The following MROH2B variants were observed in gnomAD, a reference collection of about 807,000 sequenced individuals.
MROH2B encodes maestro heat-like repeat-containing protein family member 2B.
In MROH2B, 177 loss-of-function variants were observed where a neutral mutation model predicts 208.6. That is an observed-to-expected ratio of 0.85 (90% CI 0.75 to 0.96). The LOEUF is 0.96. MROH2B is among the 40% of genes least tolerant of loss of function. The pLI is 0.00. For synonymous variants in MROH2B, 728 were observed against 659.0 expected (o/e 1.10, Z -1.60); for missense variants, 2,002 against 1,878.7 (o/e 1.07, Z -1.21).
intron 21 of MROH2B, among the ~76,000 whole-genome samples, chr5:41,037,438 C>T (rs1287185315): frequency 2.0e-5 from 3 of 152,170 alleles, no homozygotes; most frequent in African/African-American, 7.2e-5. Context: ...AGTGATTCAA[C>T]TCTGAAGGCT....
chr5:41,066,663 T>C (rs1001568624), intron 3 of MROH2B, among the ~76,000 whole-genome samples: 4 of 152,240 alleles, frequency 2.6e-5, no homozygotes, highest in African/African-American at 9.6e-5. Flanking sequence ...GTAATACTTC[T>C]TTCTGGAAGA....
rs1300146880 is a variant in MROH2B, at chr5:41,018,358, G to C, written c.2746C>G (p.Leu916Val). 1 of 1,612,802 alleles carries C rather than the reference G, an allele frequency of 6.2e-7. No individual in the cohort carries two copies. The highest frequency in any genetic ancestry group is 8.5e-7 in the Non-Finnish European group (1 of 1,179,512). ...ERAFQITAKV[L>V]TNDIEAPENF... ...TTACTTACCTCAATATCATTTGTCA[G>C]CACTTTCGCAGTGATCTGGAAGGCT... The change falls in exon 27 of 42, where the codon CTG (leucine) becomes GTG (valine). Residue 916 changes from leucine to valine, a missense_variant. Leu to Val is a conservative substitution (Grantham distance 32). Coordinates refer to ENST00000399564, the MANE Select transcript of MROH2B (RefSeq NM_173489.5).
intron 5 of MROH2B, among the ~76,000 whole-genome samples, chr5:41,063,667 G>T (rs1274793454): frequency 6.6e-6 from 1 of 152,200 alleles, no homozygotes; most frequent in Non-Finnish European, 1.5e-5. Context: ...GTAGTGTTAG[G>T]TTATGTTGGA....
intron 2 of MROH2B, among the ~76,000 whole-genome samples, chr5:41,068,679 G>T (rs1743884956): frequency 6.6e-6 from 1 of 151,874 alleles, no homozygotes; most frequent in South Asian, 2.1e-4. Flanking sequence ...CCCTTTACTG[G>T]AAATTCTCCT....
chr5:41,047,636 A>G, intron 17 of MROH2B, 85 bp downstream of exon 17: 1 of 1,193,568 alleles, frequency 8.4e-7, no homozygotes, highest in Non-Finnish European at 1.2e-6. Flanking sequence ...TATCCTCAGG[A>G]ATCTAGTTCC....
intron 21 of MROH2B, chr5:41,034,146 A>C: frequency 1.2e-6 from 1 of 843,188 alleles, no homozygotes; most frequent in Non-Finnish European, 1.4e-6. Context: ...CTTCACAATC[A>C]TTTTAAAGAG....
At position 41,057,455 on chromosome 5, in the gene MROH2B, A is replaced by G. The variant is rs190029855; in HGVS notation, c.757-95T>C. ...AATAATTGTGTTTTGAGAGAAAAAC[A>G]AGCTTCTCATCTTCCTGCAGTTACA... On this transcript the variant is annotated intron_variant, in intron 7 of 41. Coordinates refer to ENST00000399564, the MANE Select transcript of MROH2B (RefSeq NM_173489.5). 3.0e-5 allele frequency: 29 copies of G among 964,954 alleles called. No homozygotes were observed. In the African/African-American group the frequency reaches 4.5e-4, roughly 15 times the overall value. 59.8% of individuals were successfully genotyped at this position (964,954 alleles called of 1,614,324 possible).
chr5:41,018,306 G>C, intron 27 of MROH2B, 35 bp downstream of exon 27: 1 of 1,576,466 alleles, frequency 6.3e-7, no homozygotes. Context: ...CTGTTCACAA[G>C]CAATAAAGTC....
chr5:41,033,025 C>G lies in MROH2B; in HGVS notation c.2361+16G>C. The G allele has an allele frequency of 6.2e-7, 1 of 1,612,562 alleles. No homozygotes were observed. Among genetic ancestry groups the G allele is most frequent in the South Asian group, 1.1e-5 (1 of 91,008 alleles). On this transcript the variant is annotated intron_variant, in intron 23 of 41. Transcript: ENST00000399564. ...GAATACTCAGGGCCTTTCTTATTCCCTCTCTGCACACTCACCAGCATGTAA... is the reference window on the plus strand; with the variant it reads ...GAATACTCAGGGCCTTTCTTATTCCGTCTCTGCACACTCACCAGCATGTAA...
chr5:41,055,677 T>G (rs1344664883), intron 10 of MROH2B, 65 bp downstream of exon 10: 1 of 1,161,298 alleles, frequency 8.6e-7, no homozygotes, highest in Non-Finnish European at 1.3e-6. Flanking sequence ...GATTAGAGAG[T>G]GCATAGGCTT....
At position 41,049,422 on chromosome 5, in the gene MROH2B, C is replaced by A. The variant is rs1743220632; in HGVS notation, c.1359G>T (p.Arg453Ser). The A allele has an allele frequency of 1.2e-6, 2 of 1,611,966 alleles. No homozygotes were observed. Among genetic ancestry groups the A allele is most frequent in the Non-Finnish European group, 8.5e-7 (1 of 1,179,254 alleles). Residue 453 changes from arginine to serine, a missense_variant, in exon 14 of 42, where the codon AGG becomes AGT. By Grantham distance (110) the Arg-to-Ser change is moderately radical. Coordinates refer to ENST00000399564, the MANE Select transcript of MROH2B (RefSeq NM_173489.5). The part of the protein sequence containing the change: ...VIGMPQVLWP[R>S]ILTFVVPAEY... ...CTGCAGGTACCACAAAAGTCAGGAT[C>A]CTTGGCCATAGCACCTGTGGAAAAC...
chr5:41,047,675 A>T, intron 17 of MROH2B, 46 bp downstream of exon 17: 1 of 1,539,586 alleles, frequency 6.5e-7, no homozygotes, highest in African/African-American at 1.4e-5. Flanking sequence ...ACTTCAGCTG[A>T]TTTCATCATG....
intron 6 of MROH2B, among the ~76,000 whole-genome samples, chr5:41,060,069 A>T (rs1402078725): frequency 6.6e-6 from 1 of 152,150 alleles, no homozygotes; most frequent in East Asian, 1.9e-4. Context: ...TAAATTGATG[A>T]TCCCAAGATC....
At chr5:41,050,511 G>A (rs1203237630) in intron 13 of MROH2B, among the ~76,000 whole-genome samples, 1 of 152,098 alleles carries the variant, frequency 6.6e-6, no homozygotes, top group Non-Finnish European at 1.5e-5. Context: ...CACTTAAAAG[G>A]TGTGGTCAGT....
intron 22 of MROH2B, among the ~76,000 whole-genome samples, chr5:41,033,448 T>A (rs904627858): frequency 6.6e-6 from 1 of 152,144 alleles, no homozygotes; most frequent in East Asian, 1.9e-4. Context: ...ACCTAGTACC[T>A]GTATGCCCCA....
intron 7 of MROH2B, 105 bp from the exon 8 acceptor site, chr5:41,057,465 T>C: frequency 5.1e-6 from 4 of 789,532 alleles, no homozygotes; most frequent in Non-Finnish European, 8.1e-6. Context: ...AAGCTTCTCA[T>C]CTTCCTGCAG....
chr5:41,015,518 A>G (rs778649171), intron 28 of MROH2B, 40 bp from the exon 29 acceptor site: 2 of 1,580,498 alleles, frequency 1.3e-6, no homozygotes, highest in Non-Finnish European at 8.7e-7. Context: ...GTGTTCAAAG[A>G]CCTGATAGGG....
chr5:41,069,631 A>G (rs1743921009), intron 2 of MROH2B, 60 bp downstream of exon 2: 14 of 1,326,736 alleles, frequency 1.1e-5, no homozygotes, highest in Non-Finnish European at 1.5e-5. Context: ...AAAAATATAT[A>G]CGAAATGTTG....
Position 41,054,037 on chromosome 5 carries a change from T to C in MROH2B, c.1107+730A>G, listed in dbSNP as rs183829394. On this transcript the variant is annotated intron_variant, in intron 11 of 41. Transcript: ENST00000399564. ...CTCTGTTGCCCAGGCTGGAGTGCAG[T>C]GGTGCAGTCTGGGCTCACTGCAACC... 3.4e-4 allele frequency among the ~76,000 whole-genome samples: 52 copies of C among 152,224 alleles called. No individual in the cohort carries two copies. In the East Asian group the frequency reaches 9.9e-3, roughly 29 times the overall value.
Sources: allele counts gnomAD v4.1 joint callset (sites outside exome capture counted in the v4.1 genomes callset), GRCh38; gene constraint gnomAD v4.1.1; transcripts MANE v1.5; gene names NCBI Gene and HGNC (gene_info 2026-07-23, HGNC 2026-07-21).